The following SEPTIN14 variants were observed in gnomAD, a reference collection of about 807,000 sequenced individuals.
The protein encoded by SEPTIN14 is septin 14.
SEPTIN14 carries 40 observed loss-of-function variants against 53.6 expected under a neutral mutation model. That is an observed-to-expected ratio of 0.75 (90% CI 0.58 to 0.97). SEPTIN14 has a LOEUF of 0.97. Ranked by LOEUF, SEPTIN14 falls within the 50% of genes least tolerant of loss-of-function variation. The probability of loss-of-function intolerance (pLI) is 0.00; values close to 1 mark genes in which losing one functional copy is unlikely to be tolerated. For synonymous variants in SEPTIN14, 138 were observed against 166.8 expected (o/e 0.83, Z 1.33); for missense variants, 471 against 508.2 (o/e 0.93, Z 0.70).
intron 5 of SEPTIN14, among the ~76,000 whole-genome samples, chr7:55,841,472 C>T (rs907335309): frequency 5.9e-5 from 9 of 151,930 alleles, no homozygotes; most frequent in Non-Finnish European, 8.8e-5. Flanking sequence ...CAGTGGTTCA[C>T]GCTTTGGGAG....
intron 7 of SEPTIN14, among the ~76,000 whole-genome samples, chr7:55,809,690 C>G (rs1788668046): frequency 6.7e-6 from 1 of 150,250 alleles, no homozygotes; most frequent in Non-Finnish European, 1.5e-5. Flanking sequence ...ATGAAATAAT[C>G]TTTTACACCA....
chr7:55,841,646 G>A (rs953138835), intron 5 of SEPTIN14, among the ~76,000 whole-genome samples: 6 of 151,898 alleles, frequency 4.0e-5, no homozygotes, highest in African/African-American at 7.3e-5. Flanking sequence ...ACCCGAGGTC[G>A]GGAGTTCGAG....
rs1444413095 is a variant in SEPTIN14, at chr7:55,861,924, T to C, written c.54+19A>G. On this transcript the variant is annotated intron_variant, in intron 2 of 9. Transcript: ENST00000388975. ...TTGAAGTACAAAATGCAGAGTTATA[T>C]TTGAAAGATATACTTAACTGTATCT... 3.7e-5 allele frequency: 56 copies of C among 1,494,782 alleles called. No homozygotes were observed. The highest frequency in any genetic ancestry group is 5.0e-5 in the Non-Finnish European group (55 of 1,107,274). The allele number at this position is 1,494,782 out of a possible 1,614,324, so 92.6% of individuals were successfully genotyped here.
intron 2 of SEPTIN14, among the ~76,000 whole-genome samples, chr7:55,857,026 T>A (rs999978505): frequency 4.7e-5 from 7 of 149,612 alleles, no homozygotes; most frequent in Non-Finnish European, 8.9e-5. Flanking sequence ...GCCAAGATTG[T>A]GCCACTGCAC....
chr7:55,818,595 TCTAA>T (rs1171498410), intron 7 of SEPTIN14, among the ~76,000 whole-genome samples: 1 of 152,156 alleles, frequency 6.6e-6, no homozygotes, highest in Non-Finnish European at 1.5e-5. Flanking sequence ...ACTACACTAT[TCTAA>T]CTCATTATGA....
intron 6 of SEPTIN14, among the ~76,000 whole-genome samples, chr7:55,829,211 T>C (rs1350893318): frequency 6.6e-6 from 1 of 151,520 alleles, no homozygotes; most frequent in East Asian, 1.9e-4. Flanking sequence ...AAACCCCGTA[T>C]CTACTAAAAT....
intron 5 of SEPTIN14, among the ~76,000 whole-genome samples, chr7:55,837,292 T>C (rs1789229056): frequency 6.6e-6 from 1 of 152,062 alleles, no homozygotes; most frequent in East Asian, 1.9e-4. Flanking sequence ...TTTTTTTGTA[T>C]TTTTTGTAGA....
intron 3 of SEPTIN14, among the ~76,000 whole-genome samples, chr7:55,846,072 T>TATATATATATATATATATAC (rs1562718628): frequency 3.8e-5 from 4 of 104,216 alleles, no homozygotes; most frequent in African/African-American, 1.3e-4. Flanking sequence ...AAAGTATATA[T>TATATATATATATATATATAC]ATATATATAT....
rs1156980542 is a variant in SEPTIN14, at chr7:55,794,563, G to C, written c.*1350C>G. The C allele has an allele frequency of 1.3e-5, 2 of 152,126 alleles. No individual in the cohort carries two copies. The highest frequency in any genetic ancestry group is 2.9e-5 in the Non-Finnish European group (2 of 68,028). The allele number at this position is 152,126 out of a possible 1,614,324, so 9.4% of individuals were successfully genotyped here. A position where few individuals can be genotyped will look rare whatever the true frequency, so the allele number is the denominator to read the frequency against. ...GGTTCTTGTAGAGTTTCCATTAAAA[G>C]ATCATTTAGTAAAATTTTTCTTCCC... On this transcript the variant is annotated 3_prime_UTR_variant, in exon 10 of 10. Coordinates refer to ENST00000388975, the MANE Select transcript of SEPTIN14 (RefSeq NM_207366.3).
rs571339946 is a variant in SEPTIN14, at chr7:55,810,418, G to GT, written c.818-3161dup. ...AAATATTTTTTCCAATCTCTAGGTTGTATCTTTATGCTATTAAATTGTTTC... is the reference window on the plus strand; with the variant it reads ...AAATATTTTTTCCAATCTCTAGGTTGTTATCTTTATGCTATTAAATTGTTTC... On this transcript the variant is annotated intron_variant, in intron 7 of 9. Coordinates refer to ENST00000388975, the MANE Select transcript of SEPTIN14 (RefSeq NM_207366.3). 2.0e-5 allele frequency among the ~76,000 whole-genome samples: 3 copies of GT among 148,918 alleles called. 1 individual carries two copies. The South Asian group carries it at 6.5e-4, about 32-fold the overall frequency.
chr7:55,818,322 A>C (rs1292756326), intron 7 of SEPTIN14, among the ~76,000 whole-genome samples: 1 of 152,016 alleles, frequency 6.6e-6, no homozygotes, highest in Non-Finnish European at 1.5e-5. Context: ...AAATACAAAA[A>C]TTAGCCCGGT....
At chr7:55,843,172 C>T in intron 4 of SEPTIN14, 44 bp from the exon 5 acceptor site, 1 of 1,257,150 alleles carries the variant, frequency 8.0e-7, no homozygotes, top group Non-Finnish European at 1.1e-6. Flanking sequence ...CTAATAAAAT[C>T]TAAAGCCTGC....
intron 2 of SEPTIN14, among the ~76,000 whole-genome samples, chr7:55,861,005 T>C (rs974468716): frequency 2.0e-5 from 3 of 152,232 alleles, no homozygotes; most frequent in Non-Finnish European, 4.4e-5. Context: ...GTTGCTAGCA[T>C]TTGCATATCA....
intron 2 of SEPTIN14, among the ~76,000 whole-genome samples, chr7:55,852,252 T>C (rs546919472): frequency 6.6e-6 from 1 of 152,108 alleles, no homozygotes; most frequent in East Asian, 1.9e-4. Flanking sequence ...GTACTCTGGG[T>C]ACACTGAAGG....
intron 5 of SEPTIN14, among the ~76,000 whole-genome samples, chr7:55,838,810 A>C (rs908481019): frequency 1.3e-5 from 2 of 151,760 alleles, no homozygotes; most frequent in African/African-American, 4.8e-5. Flanking sequence ...TAGCCTCCCA[A>C]AGTGCTGAGA....
chr7:55,797,327 C>T (rs1788447846), intron 9 of SEPTIN14, among the ~76,000 whole-genome samples: 1 of 152,072 alleles, frequency 6.6e-6, no homozygotes, highest in Non-Finnish European at 1.5e-5. Context: ...TAAAGAGGTT[C>T]AAACCAAATA....
rs146350220 is a variant in SEPTIN14, at chr7:55,846,558, C to G, written c.134G>C (p.Arg45Thr). ...FECLPNQLVSRSIRQGFTFNI... is the reference protein window; with the variant it reads ...FECLPNQLVSTSIRQGFTFNI... Reference sequence around the variant, plus strand: ...AAAAGTGAATCCTTGTCGGATAGATCTGCTCACCAACTGATTGGGCAAACA... The same window carrying G: ...AAAAGTGAATCCTTGTCGGATAGATGTGCTCACCAACTGATTGGGCAAACA... Residue 45 changes from arginine (R) to threonine (T), a missense_variant, in exon 3 of 10, where the codon AGA (arginine) becomes ACA (threonine). Transcript: ENST00000388975. 6.3e-3 allele frequency: 10,007 copies of G among 1,595,752 alleles called. 69 individuals are homozygous for G. Among genetic ancestry groups the G allele is most frequent in the South Asian group, 0.026 (2,313 of 89,456 alleles).
intron 6 of SEPTIN14, among the ~76,000 whole-genome samples, chr7:55,833,603 G>A (rs1789151269): frequency 1.3e-5 from 2 of 151,906 alleles, no homozygotes; most frequent in South Asian, 4.1e-4. Flanking sequence ...AGCTACTTGG[G>A]AGGCTGAGGC....
chr7:55,801,492 G>C (rs1290608841), intron 9 of SEPTIN14, among the ~76,000 whole-genome samples: 1 of 152,144 alleles, frequency 6.6e-6, no homozygotes, highest in Non-Finnish European at 1.5e-5. Context: ...GATCTACGAA[G>C]ACTGGATCAT....
Sources: gnomAD v4.1 joint callset for allele counts (sites outside exome capture counted in the v4.1 genomes callset) on GRCh38, gnomAD v4.1.1 for gene constraint, MANE v1.5 for transcripts, NCBI Gene and HGNC (gene_info 2026-07-23, HGNC 2026-07-21) for gene names.